The following ARL15 variants were observed in gnomAD, a reference collection of about 807,000 sequenced individuals.
The protein encoded by ARL15 is ADP-ribosylation factor-like protein 15.
ARL15 carries 19 observed loss-of-function variants against 25.2 expected under a neutral mutation model. The observed-to-expected ratio is 0.75, with a 90% CI of 0.53 to 1.10. The LOEUF is 1.10. Among genes scored for constraint, ARL15 ranks in the 50% least tolerant of loss-of-function variants. ARL15 has a pLI of 0.00. For missense variants in ARL15, 220 were observed against 246.0 expected (o/e 0.89, Z 0.71); for synonymous variants, 94 against 86.8 (o/e 1.08, Z -0.46).
intron 4 of ARL15, among the ~76,000 whole-genome samples, chr5:54,004,482 A>G (rs1022887511): frequency 2.8e-5 from 4 of 141,748 alleles, no homozygotes; most frequent in African/African-American, 8.1e-5. Context: ...GTGACAGAGC[A>G]AGACTGTGTC....
At chr5:54,304,721 T>G (rs1005588759) in intron 1 of ARL15, among the ~76,000 whole-genome samples, 4 of 152,364 alleles carry the variant, frequency 2.6e-5, no homozygotes, top group East Asian at 3.9e-4. Flanking sequence ...ATATTTAATA[T>G]GACTGCCTAA....
chr5:53,982,154 C>A (rs952220309), intron 4 of ARL15, among the ~76,000 whole-genome samples: 1 of 151,238 alleles, frequency 6.6e-6, no homozygotes, highest in African/African-American at 2.4e-5. Context: ...GCTTGATAAC[C>A]CCGGGCTTTT....
chr5:54,078,538 T>C (rs777316009), intron 4 of ARL15, among the ~76,000 whole-genome samples: 5 of 152,166 alleles, frequency 3.3e-5, no homozygotes, highest in Non-Finnish European at 7.4e-5. Flanking sequence ...CACACATTAG[T>C]TTTAAAAGCA....
intron 4 of ARL15, among the ~76,000 whole-genome samples, chr5:53,988,719 TGAA>T (rs1186924869): frequency 6.6e-6 from 1 of 152,146 alleles, no homozygotes; most frequent in Non-Finnish European, 1.5e-5. Flanking sequence ...GTAGGTCAGT[TGAA>T]GAAGATAAGC....
intron 4 of ARL15, among the ~76,000 whole-genome samples, chr5:54,088,694 A>G (rs1752049274): frequency 6.6e-6 from 1 of 150,956 alleles, no homozygotes; most frequent in African/African-American, 2.4e-5. Context: ...GGGCAGCTAT[A>G]ATTTGTTGTT....
At chr5:54,023,518 CA>C (rs1200511198) in intron 4 of ARL15, among the ~76,000 whole-genome samples, 1 of 125,028 alleles carries the variant, frequency 8.0e-6, no homozygotes, top group East Asian at 2.6e-4. Flanking sequence ...GGTGATTACC[CA>C]AATCTACACA....
At chr5:53,954,770 G>A (rs1747089111) in intron 4 of ARL15, among the ~76,000 whole-genome samples, 1 of 152,042 alleles carries the variant, frequency 6.6e-6, no homozygotes, top group Non-Finnish European at 1.5e-5. Context: ...TGCTAACTAG[G>A]ACCACACTGC....
At chr5:54,075,486 T>A (rs1000417387) in intron 4 of ARL15, 5 of 42,194 alleles carry the variant, frequency 1.2e-4, no homozygotes, top group African/African-American at 2.2e-4. Flanking sequence ...TATATATTCC[T>A]TTTTTTTTTT....
chr5:54,091,722 G>C (rs1244811451), intron 4 of ARL15, among the ~76,000 whole-genome samples: 1 of 151,928 alleles, frequency 6.6e-6, no homozygotes, highest in Admixed American at 6.6e-5. Context: ...CAGACCTTTG[G>C]AGCATTTCTT....
intron 2 of ARL15, among the ~76,000 whole-genome samples, chr5:54,162,754 A>T (rs1182578986): frequency 6.6e-6 from 1 of 152,186 alleles, no homozygotes; most frequent in Non-Finnish European, 1.5e-5. Context: ...GATCTCTAAA[A>T]CTATCAGCTC....
chr5:54,296,280 A>C (rs1489565424), intron 1 of ARL15, among the ~76,000 whole-genome samples: 1 of 152,202 alleles, frequency 6.6e-6, no homozygotes, highest in East Asian at 1.9e-4. Flanking sequence ...TCCTTGTTTT[A>C]TATACACTTT....
At chr5:53,957,316 G>A (rs1321122014) in intron 4 of ARL15, among the ~76,000 whole-genome samples, 1 of 152,058 alleles carries the variant, frequency 6.6e-6, no homozygotes, top group East Asian at 1.9e-4. Context: ...CATTTTTAAA[G>A]TGCTGAAAGA....
chr5:54,133,901 T>A (rs1045236385), intron 3 of ARL15, among the ~76,000 whole-genome samples: 1 of 151,646 alleles, frequency 6.6e-6, no homozygotes, highest in Admixed American at 6.6e-5. Context: ...TAAGATCAGA[T>A]AAGAAAAAAA....
chr5:54,038,422 T>C lies in ARL15; in HGVS notation c.462+74780A>G, dbSNP rs28689956. 8.3e-3 allele frequency among the ~76,000 whole-genome samples: 1,264 copies of C among 152,224 alleles called. 23 individuals are homozygous for C. Among genetic ancestry groups the C allele is most frequent in the African/African-American group, 0.029 (1,208 of 41,540 alleles). On this transcript the variant is annotated intron_variant, in intron 4 of 4. Coordinates refer to ENST00000504924, the MANE Select transcript of ARL15 (RefSeq NM_019087.3). ...ACTTAAGTTTACTTAATTATAATGA[T>C]AAATTGTTAAAACATATATAAAATC... is the stretch of plus-strand genomic sequence containing the variant.
intron 1 of ARL15, among the ~76,000 whole-genome samples, chr5:54,190,911 A>G (rs968836573): frequency 2.3e-4 from 35 of 152,188 alleles, no homozygotes; most frequent in Non-Finnish European, 2.5e-4. Context: ...TACCTCAAAA[A>G]ATTAAAAATA....
chr5:54,032,229 ATTC>A (rs758412968), intron 4 of ARL15, among the ~76,000 whole-genome samples: 3 of 151,508 alleles, frequency 2.0e-5, no homozygotes, highest in Admixed American at 6.6e-5. Flanking sequence ...GGGTTTTTTT[ATTC>A]TTCTTCTTAT....
chr5:54,267,218 A>G (rs1003342190), intron 1 of ARL15, among the ~76,000 whole-genome samples: 1 of 152,152 alleles, frequency 6.6e-6, no homozygotes, highest in Admixed American at 6.5e-5. Context: ...CAGCCTCCTG[A>G]GTAGCTGAGA....
intron 4 of ARL15, among the ~76,000 whole-genome samples, chr5:54,001,845 T>C (rs188051117): frequency 1.3e-5 from 2 of 152,280 alleles, no homozygotes; most frequent in Admixed American, 1.3e-4. Context: ...ATAACTGAGG[T>C]CAAGTTCTGT....
chr5:54,152,117 C>T (rs1421817426), intron 3 of ARL15, among the ~76,000 whole-genome samples: 1 of 152,122 alleles, frequency 6.6e-6, no homozygotes, highest in Non-Finnish European at 1.5e-5. Flanking sequence ...TCTGATTAAC[C>T]TGTCTTCTGA....
Sources: allele counts gnomAD v4.1 joint callset (sites outside exome capture counted in the v4.1 genomes callset), GRCh38; gene constraint gnomAD v4.1.1; transcripts MANE v1.5; gene names NCBI Gene and HGNC (gene_info 2026-07-23, HGNC 2026-07-21).